Variants in ACYP2 observed in about 807,000 individuals in gnomAD.
ACYP2 encodes acylphosphatase 2.
In ACYP2, 12 loss-of-function variants were observed where a neutral mutation model predicts 11.2. The ratio of observed to expected loss-of-function variants is 1.08; its 90% CI spans 0.69 to 1.74. The LOEUF is 1.74. Among genes scored for constraint, ACYP2 ranks in the 40% most tolerant of loss-of-function variants. ACYP2 has a pLI of 0.00. For synonymous variants in ACYP2, 43 were observed against 32.2 expected, an observed-to-expected ratio of 1.33 and a Z score of -1.13; for missense variants, 134 against 101.9, an observed-to-expected ratio of 1.31 and a Z score of -1.35.
intron 6 of ACYP2, among the ~76,000 whole-genome samples, chr2:54,191,268 G>A (rs539789479): frequency 1.1e-4 from 17 of 152,162 alleles, no homozygotes; most frequent in African/African-American, 2.2e-4. Context: ...CCTGCTCTCC[G>A]CCGTACCATC....
At chr2:54,088,981 T>C (rs2103677774) in intron 4 of ACYP2, among the ~76,000 whole-genome samples, 1 of 152,316 alleles carries the variant, frequency 6.6e-6, no homozygotes, top group Non-Finnish European at 1.5e-5. Flanking sequence ...ATAAGACTAT[T>C]AGATAAGAAA....
intron 2 of ACYP2, among the ~76,000 whole-genome samples, chr2:54,001,325 A>G (rs1458987226): frequency 2.0e-5 from 3 of 152,126 alleles, no homozygotes; most frequent in Non-Finnish European, 4.4e-5. Flanking sequence ...GTGCCTTTGA[A>G]TAGCCGCTGC....
intron 6 of ACYP2, among the ~76,000 whole-genome samples, chr2:54,248,329 G>A (rs1223741843): frequency 1.3e-5 from 2 of 152,146 alleles, no homozygotes; most frequent in Non-Finnish European, 2.9e-5. Context: ...CATATGATAG[G>A]TGGAATAGAT....
At chr2:54,196,996 C>T (rs1203882014) in intron 6 of ACYP2, among the ~76,000 whole-genome samples, 3 of 152,190 alleles carry the variant, frequency 2.0e-5, no homozygotes, top group Non-Finnish European at 2.9e-5. Flanking sequence ...CATAGCACAA[C>T]ACTGAGTTAA....
chr2:54,074,118 T>C (rs754722885), intron 4 of ACYP2, among the ~76,000 whole-genome samples: 2 of 152,106 alleles, frequency 1.3e-5, no homozygotes, highest in African/African-American at 4.8e-5. Flanking sequence ...GGTGAGGAAA[T>C]TGCTTAAGGC....
intron 4 of ACYP2, among the ~76,000 whole-genome samples, chr2:54,094,175 A>G (rs1678387968): frequency 6.6e-6 from 1 of 152,094 alleles, no homozygotes. Context: ...TTGGCTTGCA[A>G]AAGAAAGGAA....
intron 6 of ACYP2, among the ~76,000 whole-genome samples, chr2:54,159,971 C>G (rs891299100): frequency 2.0e-5 from 3 of 152,202 alleles, no homozygotes; most frequent in Non-Finnish European, 2.9e-5. Context: ...TGTAGCCCCT[C>G]ACTGTGTGCT....
At chr2:54,259,402 T>A (rs1687686805) in intron 6 of ACYP2, among the ~76,000 whole-genome samples, 1 of 152,114 alleles carries the variant, frequency 6.6e-6, no homozygotes, top group South Asian at 2.1e-4. Context: ...CCTGATAAGC[T>A]GGGCCCTGAA....
At chr2:54,229,976 A>G (rs843766) in intron 6 of ACYP2, among the ~76,000 whole-genome samples, 38,928 of 152,144 alleles carry the variant, frequency 0.26, 5,231 homozygotes, top group South Asian at 0.46. Flanking sequence ...CTAGGGAGTC[A>G]TGTCCTACAA....
intron 6 of ACYP2, among the ~76,000 whole-genome samples, chr2:54,266,171 G>C (rs955571308): frequency 1.3e-5 from 2 of 152,098 alleles, no homozygotes; most frequent in Non-Finnish European, 2.9e-5. Context: ...TCATATACTA[G>C]AACTTATGGT....
At chr2:54,224,042 T>C (rs970963040) in intron 6 of ACYP2, among the ~76,000 whole-genome samples, 1 of 152,094 alleles carries the variant, frequency 6.6e-6, no homozygotes, top group South Asian at 2.1e-4. Flanking sequence ...TACCGGGACA[T>C]TGGGGTTAGG....
chr2:54,253,726 C>A, intron 6 of ACYP2: 1 of 152,312 alleles, frequency 6.6e-6, no homozygotes. Context: ...TTCTTCTATC[C>A]ACTCTGAACT....
chr2:53,982,880 A>G lies in ACYP2; in HGVS notation c.62+9070A>G, dbSNP rs1671842757. 2.3e-5 allele frequency among the ~76,000 whole-genome samples: 3 copies of G among 128,568 alleles called. No individual in the cohort carries two copies. The East Asian group carries it at 6.3e-4, about 27-fold the overall frequency. The allele number at this position is 128,568 out of a possible 152,430, so 84.3% of individuals were successfully genotyped here. On this transcript the variant is annotated intron_variant, in intron 2 of 6. Transcript: ENST00000607452. Reference sequence around the variant, plus strand: ...TGTGTGTGTGTGTGTGTGTGATATAAATAGGTTCAGGGAGAACCAGGGATT... The same window carrying G: ...TGTGTGTGTGTGTGTGTGTGATATAGATAGGTTCAGGGAGAACCAGGGATT...
At chr2:54,060,113 C>T (rs540176750) in intron 4 of ACYP2, among the ~76,000 whole-genome samples, 1 of 152,298 alleles carries the variant, frequency 6.6e-6, no homozygotes, top group East Asian at 1.9e-4. Flanking sequence ...ATTACTTCAA[C>T]TCTGGGATAT....
chr2:54,031,006 G>T (rs1674554670), intron 2 of ACYP2, among the ~76,000 whole-genome samples: 1 of 152,174 alleles, frequency 6.6e-6, no homozygotes, highest in East Asian at 1.9e-4. Flanking sequence ...TCCTCTAGGA[G>T]GAGGTGGCCA....
At chr2:54,303,118 G>T (rs1177043319) in intron 6 of ACYP2, among the ~76,000 whole-genome samples, 1 of 152,198 alleles carries the variant, frequency 6.6e-6, no homozygotes, top group Non-Finnish European at 1.5e-5. Context: ...CACTTTGGGA[G>T]GCTGAGGAGG....
intron 2 of ACYP2, among the ~76,000 whole-genome samples, chr2:54,022,100 C>T (rs1262064272): frequency 6.6e-6 from 1 of 152,194 alleles, no homozygotes; most frequent in East Asian, 1.9e-4. Context: ...AAGAATACAA[C>T]TCATATATTT....
chr2:54,143,759 G>GCT (rs1249489466), intron 6 of ACYP2, among the ~76,000 whole-genome samples: 46 of 107,166 alleles, frequency 4.3e-4, no homozygotes, highest in Non-Finnish European at 8.3e-4. Context: ...TTTTTTTTTG[G>GCT]GGGGGGGGTA....
At chr2:54,228,562 T>G (rs569626323) in intron 6 of ACYP2, among the ~76,000 whole-genome samples, 72 of 152,304 alleles carry the variant, frequency 4.7e-4, no homozygotes, top group African/African-American at 1.6e-3. Flanking sequence ...TCTATGAATT[T>G]GAAACCACCT....
Sources: gnomAD v4.1 joint callset for allele counts (sites outside exome capture counted in the v4.1 genomes callset) on GRCh38, gnomAD v4.1.1 for gene constraint, MANE v1.5 for transcripts, NCBI Gene and HGNC (gene_info 2026-07-23, HGNC 2026-07-21) for gene names.